Variants in DLG4 observed in about 807,000 individuals in gnomAD.
The protein encoded by DLG4 is discs large MAGUK scaffold protein 4, also known as disks large homolog 4.
In DLG4, 7 loss-of-function variants were observed where a neutral mutation model predicts 93.8. That is an observed-to-expected ratio of 0.07 (90% CI 0.04 to 0.14). The LOEUF (loss-of-function observed/expected upper bound fraction) is 0.14. Ranked by LOEUF, DLG4 falls within the 10% of genes least tolerant of loss-of-function variation. The pLI is 1.00. For missense variants in DLG4, 545 were observed against 992.9 expected (o/e 0.55, Z 6.06); for synonymous variants, 341 against 387.6 (o/e 0.88, Z 1.41).
chr17:7,207,824 A>G (rs1162260331), intron 2 of DLG4, among the ~76,000 whole-genome samples: 1 of 151,862 alleles, frequency 6.6e-6, no homozygotes, highest in Non-Finnish European at 1.5e-5. Context: ...GCGCGCACAC[A>G]CACATTCTTG....
chr17:7,197,002 T>C lies in DLG4; in HGVS notation c.838A>G (p.Thr280Ala), dbSNP rs370645685. 3.1e-6 allele frequency: 5 copies of C among 1,613,398 alleles called. No homozygotes were observed. In the African/African-American group the frequency reaches 5.3e-5, roughly 17 times the overall value. The change falls in exon 9 of 20, where the codon ACC becomes GCC. Residue 280 changes from threonine to alanine, a missense_variant. This residue lies in a region of DLG4 where 428 missense variants were observed against 741.4 expected (regional missense o/e 0.58). Transcript: ENST00000399506. The stretch of plus-strand genomic sequence containing the variant: ...GGGGTCATGGCTGTGGGGTAGTCGG[T>C]GCCCAGGTAGCTGCTGTGACTGATC... ...NEISHSSYLG[T>A]DYPTAMTPTS...
intron 2 of DLG4, 80 bp from the exon 3 acceptor site, chr17:7,204,332 T>C: frequency 7.2e-7 from 1 of 1,397,226 alleles, no homozygotes; most frequent in East Asian, 2.4e-5. Context: ...CCCATCAGCG[T>C]GGCTACCCTT....
At chr17:7,192,184 AAGAC>A in intron 17 of DLG4, 182 bp from the exon 18 acceptor site, 1 of 451,996 alleles carries the variant, frequency 2.2e-6, no homozygotes, top group East Asian at 3.5e-5. Context: ...GACAGAGTAA[AAGAC>A]AGAGGGAAAG....
At chr17:7,216,264 T>C (rs2070910876) in intron 1 of DLG4, among the ~76,000 whole-genome samples, 1 of 152,102 alleles carries the variant, frequency 6.6e-6, no homozygotes. Flanking sequence ...CAGGGCTAGA[T>C]ACAGTGTGGG....
In DLG4 at chr17:7,217,238, T is replaced by C; in HGVS notation, c.-91A>G. The C allele has an allele frequency of 1.7e-6, 2 of 1,171,080 alleles. No individual in the cohort carries two copies. The highest frequency in any genetic ancestry group is 2.1e-6 in the Non-Finnish European group (2 of 942,100). The allele number at this position is 1,171,080 out of a possible 1,614,324, so 72.5% of individuals were successfully genotyped here. A position where few individuals can be genotyped will look rare whatever the true frequency, so the allele number is the denominator to read the frequency against. On this transcript the variant is annotated 5_prime_UTR_variant, in exon 1 of 20. Transcript: ENST00000399506. ...TCCGTGGGTTCTCACCCCTCCCCCC[T>C]CCGCACCCCACTTTTGCAGGGGGGG...
At chr17:7,211,128 TG>T (rs2070688140) in intron 1 of DLG4, among the ~76,000 whole-genome samples, 3 of 3,998 alleles carry the variant, frequency 7.5e-4, no homozygotes, top group East Asian at 0.026. Flanking sequence ...TCGGGAGGGG[TG>T]GGGGTGGGGG....
At chr17:7,213,975 C>T (rs367929113) in intron 1 of DLG4, 1 of 412,704 alleles carries the variant, frequency 2.4e-6, no homozygotes, top group Admixed American at 2.8e-5. Context: ...GCAGGCCCTG[C>T]TTATCCACCA....
At position 7,188,981 on chromosome 17, in the gene DLG4, A is replaced by G. The variant is rs2069368043; in HGVS notation, c.*1727T>C. Reference sequence around the variant, plus strand: ...ACAAAAATTAGCCAGGAGTGGTGGCAGGCGCCTGTAATCCCAGCTATTCGA... The same window carrying G: ...ACAAAAATTAGCCAGGAGTGGTGGCGGGCGCCTGTAATCCCAGCTATTCGA... On this transcript the variant is annotated 3_prime_UTR_variant, in exon 20 of 20. Transcript: ENST00000399506. Among the ~76,000 whole-genome samples the G allele has an allele frequency of 6.6e-6, 1 of 151,774 alleles. No individual in the cohort carries two copies. Among genetic ancestry groups the G allele is most frequent in the Admixed American group, 6.6e-5 (1 of 15,194 alleles).
intron 17 of DLG4, 35 bp from the exon 18 acceptor site, chr17:7,192,037 CG>C: frequency 1.6e-6 from 2 of 1,225,900 alleles, no homozygotes; most frequent in South Asian, 4.0e-5. Flanking sequence ...GGGGGGCCAG[CG>C]GGTGGCGAGA....
At chr17:7,219,970 C>T, upstream of DLG4, 1 of 1,597,772 alleles carries the variant, frequency 6.3e-7, no homozygotes, top group Non-Finnish European at 8.5e-7. Flanking sequence ...CAGCGGCGCC[C>T]GGAGAGATTC....
Position 7,203,289 on chromosome 17 carries a change from G to A in DLG4, c.546C>T (p.His182=), listed in dbSNP as rs753805155. The A allele has an allele frequency of 1.6e-5, 26 of 1,608,300 alleles. No individual in the cohort carries two copies. The highest frequency in any genetic ancestry group is 1.5e-4 in the Admixed American group (9 of 59,886). The part of the protein sequence containing the change: ...FSIAGGVGNQ[H]IPGDNSIYVT... ...CATAGATGCTATTATCTCCTGGGAT[G>A]TGCTGGTTCCCTACGCCCCCTGCGA... Residue 182 remains histidine, a synonymous_variant, in exon 7 of 20, where the codon CAC becomes CAT. Transcript: ENST00000399506. This position sits in a 1 kb window ranked among gnomAD's most constrained non-coding sequence, Gnocchi z 7.2.
Position 7,208,277 on chromosome 17 carries a change from G to C in DLG4, c.31-38C>G. 4 of 1,309,140 alleles carry C rather than the reference G, an allele frequency of 3.1e-6. No individual in the cohort carries two copies. The highest frequency in any genetic ancestry group is 3.9e-6 in the Non-Finnish European group (4 of 1,020,408). The allele number at this position is 1,309,140 out of a possible 1,614,324, so 81.1% of individuals were successfully genotyped here. On this transcript the variant is annotated intron_variant, in intron 1 of 19. Coordinates refer to ENST00000399506, the MANE Select transcript of DLG4 (RefSeq NM_001321075.3). This position sits in a 1 kb window ranked among gnomAD's most constrained non-coding sequence, Gnocchi z 5.4. ...ACGGAGGTGTCACTGGGGCCAGCCC[G>C]GTGCCTCAGGCTCCAGGCTGGCCGC...
At chr17:7,219,425 C>G, upstream of DLG4, 5 of 1,018,018 alleles carry the variant, frequency 4.9e-6, no homozygotes, top group Non-Finnish European at 5.9e-6. Context: ...TGTAGCTGTT[C>G]CAAGAGTTAG....
rs1337089504 is a variant in DLG4 at position 7,213,180 on chromosome 17, A to T, written c.30+3938T>A. Among the ~76,000 whole-genome samples the T allele has an allele frequency of 2.9e-5, 4 of 138,208 alleles. No homozygotes were observed. In the East Asian group the frequency reaches 8.5e-4, roughly 29 times the overall value. The allele number at this position is 138,208 out of a possible 152,430, so 90.7% of individuals were successfully genotyped here. On this transcript the variant is annotated intron_variant, in intron 1 of 19. Coordinates refer to ENST00000399506, the MANE Select transcript of DLG4 (RefSeq NM_001321075.3). ...TGGCGCGATCTCGGCTTACTGCAACATCCGGCTCCCGGGTTCGAGTGATTC... is the reference window on the plus strand; with the variant it reads ...TGGCGCGATCTCGGCTTACTGCAACTTCCGGCTCCCGGGTTCGAGTGATTC...
Position 7,203,947 on chromosome 17 carries a change from T to C in DLG4, c.210+61A>G, listed in dbSNP as rs994272345. 1.9e-6 allele frequency: 3 copies of C among 1,594,648 alleles called. No homozygotes were observed. The African/African-American group carries it at 4.0e-5, about 21-fold the overall frequency. ...TGAGGGGCTAGCCACCCAGACCACA[T>C]GGCAGAAAGAAAGGTACAGACGGGA... On this transcript the variant is annotated intron_variant, in intron 4 of 19. Transcript: ENST00000399506. The surrounding 1 kb of genome is among the most constrained non-coding windows in gnomAD (Gnocchi z 7.2).
rs1299636620 is a variant in DLG4, at chr17:7,193,816, C to T, written c.1543+28G>A. 3 of 1,612,814 alleles carry T rather than the reference C, an allele frequency of 1.9e-6. No homozygotes were observed. The South Asian group carries it at 3.3e-5, about 18-fold the overall frequency. On this transcript the variant is annotated intron_variant, in intron 14 of 19. Transcript: ENST00000399506. The surrounding 1 kb of genome is among the most constrained non-coding windows in gnomAD (Gnocchi z 6.7). Reference sequence around the variant, plus strand: ...AAAGCAACTCAGTGCTCCTCTCACCCACATCTTCCCGAACTAACCCTACCT... The same window carrying T: ...AAAGCAACTCAGTGCTCCTCTCACCTACATCTTCCCGAACTAACCCTACCT...
intron 1 of DLG4, among the ~76,000 whole-genome samples, chr17:7,209,796 G>A (rs1294658548): frequency 3.3e-5 from 5 of 152,104 alleles, no homozygotes; most frequent in African/African-American, 9.7e-5. Flanking sequence ...CAGGAGCAGT[G>A]GCTGATGCTT....
rs760434391 is a variant in DLG4, at chr17:7,193,146, G to C, written c.1694-29C>G. 1.9e-6 allele frequency: 3 copies of C among 1,611,998 alleles called. No individual in the cohort carries two copies. The highest frequency in any genetic ancestry group is 1.7e-6 in the Non-Finnish European group (2 of 1,178,726). ...CCAGGAAGTCACCCCACCCCCCAAA[G>C]ATCTAACCACCATCCCTCTAGCTTA... On this transcript the variant is annotated intron_variant, in intron 16 of 19. Transcript: ENST00000399506. This position sits in a 1 kb window ranked among gnomAD's most constrained non-coding sequence, Gnocchi z 6.7.
chr17:7,215,547 C>G (rs1422223724), intron 1 of DLG4, among the ~76,000 whole-genome samples: 1 of 152,142 alleles, frequency 6.6e-6, no homozygotes, highest in East Asian at 1.9e-4. Context: ...GCAGAGGAAA[C>G]CAGGCCAGAG....
Sources: gnomAD v4.1 joint callset for allele counts (sites outside exome capture counted in the v4.1 genomes callset) on GRCh38, gnomAD v4.1.1 for gene constraint, gnomAD v4.1.1 regional missense constraint, Gnocchi (gnomAD v3.1) non-coding constraint, MANE v1.5 for transcripts, NCBI Gene and HGNC (gene_info 2026-07-23, HGNC 2026-07-21) for gene names.